Variants in DLG2 observed in about 807,000 individuals in gnomAD.
The protein encoded by DLG2 is disks large homolog 2.
Under a neutral mutation model 132.5 loss-of-function variants are expected in DLG2, and 45 were observed. That is an observed-to-expected ratio of 0.34 (90% confidence interval 0.27 to 0.44). DLG2 has a LOEUF of 0.44. Ranked by LOEUF, DLG2 falls within the 20% of genes least tolerant of loss-of-function variation. The pLI is 1.00. For missense variants in DLG2, 1,045 were observed against 1,196.9 expected, an observed-to-expected ratio of 0.87 and a Z score of 1.87; for synonymous variants, 424 against 419.6, an observed-to-expected ratio of 1.01 and a Z score of -0.13.
intron 5 of DLG2, among the ~76,000 whole-genome samples, chr11:85,114,476 G>A (rs1172714590): frequency 6.6e-6 from 1 of 151,974 alleles, no homozygotes; most frequent in Non-Finnish European, 1.5e-5. Context: ...CATCTATCCA[G>A]GATGTTTATA....
chr11:85,022,240 A>G (rs1300934258), intron 6 of DLG2, among the ~76,000 whole-genome samples: 2 of 152,006 alleles, frequency 1.3e-5, no homozygotes, highest in Non-Finnish European at 2.9e-5. Flanking sequence ...AATAAAAATA[A>G]AACAGAAAGA....
intron 7 of DLG2, among the ~76,000 whole-genome samples, chr11:84,384,249 T>C (rs1601130606): frequency 6.6e-6 from 1 of 151,810 alleles, no homozygotes; most frequent in Admixed American, 6.6e-5. Context: ...AATTTAAATA[T>C]AGGAAAACCA....
At chr11:83,595,488 T>C (rs2057415043) in intron 19 of DLG2, among the ~76,000 whole-genome samples, 1 of 152,244 alleles carries the variant, frequency 6.6e-6, no homozygotes, top group Non-Finnish European at 1.5e-5. Context: ...CAGGCTTTAA[T>C]GGCTAAAACA....
chr11:85,090,911 C>T (rs1169347002), intron 6 of DLG2, among the ~76,000 whole-genome samples: 1 of 152,174 alleles, frequency 6.6e-6, no homozygotes, highest in Non-Finnish European at 1.5e-5. Context: ...CAGGCTGCTT[C>T]CATTTATGGC....
chr11:85,506,634 C>T (rs555307506), intron 3 of DLG2, among the ~76,000 whole-genome samples: 1 of 152,274 alleles, frequency 6.6e-6, no homozygotes, highest in East Asian at 1.9e-4. Flanking sequence ...GCTTTACTTC[C>T]AACTATGTGG....
chr11:84,814,544 C>A (rs887164651), intron 6 of DLG2, among the ~76,000 whole-genome samples: 1 of 152,172 alleles, frequency 6.6e-6, no homozygotes, highest in South Asian at 2.1e-4. Context: ...CCAGCCCCCA[C>A]TGTTACCACT....
intron 6 of DLG2, among the ~76,000 whole-genome samples, chr11:84,758,511 A>G (rs573841881): frequency 6.6e-6 from 1 of 152,240 alleles, no homozygotes; most frequent in South Asian, 2.1e-4. Flanking sequence ...TGATTCCTTT[A>G]TATTTTCTCA....
At chr11:85,140,800 A>G (rs185532807) in intron 5 of DLG2, among the ~76,000 whole-genome samples, 1 of 151,912 alleles carries the variant, frequency 6.6e-6, no homozygotes, top group African/African-American at 2.4e-5. Flanking sequence ...AACTGTTTTA[A>G]TGTTTAGCCA....
intron 17 of DLG2, among the ~76,000 whole-genome samples, chr11:83,811,469 GA>G (rs1213363234): frequency 6.6e-6 from 1 of 151,938 alleles, no homozygotes; most frequent in African/African-American, 2.4e-5. Context: ...ATCACTAAAA[GA>G]AAATTTTAAT....
At chr11:83,919,371 G>T (rs1056503508) in intron 15 of DLG2, among the ~76,000 whole-genome samples, 4 of 152,046 alleles carry the variant, frequency 2.6e-5, no homozygotes, top group Non-Finnish European at 2.9e-5. Flanking sequence ...GGTTTCCCAT[G>T]CAGAGTCTCT....
chr11:83,468,590 CCTATGATA>C (rs374802379), intron 25 of DLG2, among the ~76,000 whole-genome samples: 13 of 152,176 alleles, frequency 8.5e-5, no homozygotes, highest in African/African-American at 2.9e-4. Flanking sequence ...AATATCTTCT[CCTATGATA>C]CTGGTTCTCT....
chr11:84,508,037 ATAAT>A (rs1464583910), intron 7 of DLG2, among the ~76,000 whole-genome samples: 1 of 152,236 alleles, frequency 6.6e-6, no homozygotes, highest in Non-Finnish European at 1.5e-5. Flanking sequence ...AGCAGTCAAA[ATAAT>A]CCTTTTCAAA....
In DLG2 at chr11:83,764,231, C is replaced by T. The variant is rs755615571; in HGVS notation, c.1825+22459G>A. 3.3e-5 allele frequency among the ~76,000 whole-genome samples: 5 copies of T among 152,200 alleles called. No individual in the cohort carries two copies. The East Asian group carries it at 5.8e-4, about 18-fold the overall frequency. On this transcript the variant is annotated intron_variant, in intron 18 of 27. Transcript: ENST00000376104. ...GACAGGTGCAGAGCTGAGAAAATCA[C>T]GGTGGGAGTGATTGTGGAGGGAGTA...
intron 2 of DLG2, among the ~76,000 whole-genome samples, chr11:85,600,082 C>T (rs192420176): frequency 1.4e-4 from 22 of 152,270 alleles, no homozygotes; most frequent in African/African-American, 5.1e-4. Flanking sequence ...CTTCCTATTA[C>T]ATGGAAAATC....
At chr11:85,015,741 C>A (rs144785056) in intron 6 of DLG2, among the ~76,000 whole-genome samples, 1 of 152,008 alleles carries the variant, frequency 6.6e-6, no homozygotes, top group Non-Finnish European at 1.5e-5. Context: ...CTCAGTAAAC[C>A]GTAGCTATTT....
intron 6 of DLG2, among the ~76,000 whole-genome samples, chr11:85,087,057 T>G (rs1008320272): frequency 1.3e-5 from 2 of 152,208 alleles, no homozygotes; most frequent in African/African-American, 4.8e-5. Context: ...ATTTGCTCAT[T>G]GTGATTCATT....
intron 3 of DLG2, among the ~76,000 whole-genome samples, chr11:85,593,950 G>A (rs534879362): frequency 5.9e-4 from 89 of 152,056 alleles, no homozygotes; most frequent in African/African-American, 1.9e-3. Context: ...GCTTACTGTT[G>A]TATCCCTATT....
chr11:83,563,341 C>G (rs927847718), intron 19 of DLG2, among the ~76,000 whole-genome samples: 1 of 152,096 alleles, frequency 6.6e-6, no homozygotes, highest in African/African-American at 2.4e-5. Flanking sequence ...TTGATCATCC[C>G]CTTACTGAAG....
intron 3 of DLG2, among the ~76,000 whole-genome samples, chr11:85,292,151 T>C (rs757204319): frequency 2.0e-5 from 3 of 152,156 alleles, no homozygotes; most frequent in Admixed American, 6.5e-5. Context: ...CCTGTATCCA[T>C]ATCCCATACT....
Sources: allele counts gnomAD v4.1 joint callset (sites outside exome capture counted in the v4.1 genomes callset), GRCh38; gene constraint gnomAD v4.1.1; transcripts MANE v1.5; gene names NCBI Gene and HGNC (gene_info 2026-07-23, HGNC 2026-07-21).